PUS7: variants seen among roughly 807,000 people sequenced by gnomAD.
PUS7 encodes pseudouridylate synthase 7 homolog.
In PUS7, 48 loss-of-function variants were observed where a neutral mutation model predicts 79.8. The ratio of observed to expected loss-of-function variants is 0.60; its 90% CI spans 0.48 to 0.76. PUS7 has a LOEUF of 0.76. Ranked by LOEUF, PUS7 falls within the 30% of genes least tolerant of loss-of-function variation. The pLI, the probability that PUS7 is intolerant of heterozygous loss-of-function variation, is 0.00. For synonymous variants in PUS7, 286 were observed against 272.2 expected, an observed-to-expected ratio of 1.05 and a Z score of -0.50; for missense variants, 729 against 797.6, an observed-to-expected ratio of 0.91 and a Z score of 1.04.
At chr7:105,467,540 T>C (rs1201449683) in intron 12 of PUS7, among the ~76,000 whole-genome samples, 11 of 151,676 alleles carry the variant, frequency 7.3e-5, no homozygotes, top group Non-Finnish European at 1.2e-4. Context: ...CTGCCCGCCT[T>C]GGCTCCCAAA....
At chr7:105,491,800 G>A (rs993338487) in intron 6 of PUS7, among the ~76,000 whole-genome samples, 183 bp from the exon 7 acceptor site, 14 of 152,186 alleles carry the variant, frequency 9.2e-5, no homozygotes, top group African/African-American at 4.8e-5. Context: ...CTCATGGTCT[G>A]TAATCCCAGC....
rs1159966126 is a variant in PUS7 at position 105,457,306 on chromosome 7, T to C, written c.*484A>G. 6.6e-6 allele frequency: 1 copy of C among 152,266 alleles called. No homozygotes were observed. Among genetic ancestry groups the C allele is most frequent in the Non-Finnish European group, 1.5e-5 (1 of 68,092 alleles). 9.4% of individuals were successfully genotyped at this position (152,266 alleles called of 1,614,324 possible). On this transcript the variant is annotated 3_prime_UTR_variant, in exon 16 of 16. Transcript: ENST00000469408. ...CACTTTTTGTTTATAAATTTGTAGA[T>C]GTCTTATTATTTCAGTCAGCATGAG...
intron 1 of PUS7, among the ~76,000 whole-genome samples, 176 bp from the exon 2 acceptor site, chr7:105,508,720 A>G (rs1192772644): frequency 1.3e-5 from 2 of 151,304 alleles, no homozygotes; most frequent in African/African-American, 4.9e-5. Flanking sequence ...TCTCTACTAA[A>G]TATTAGTTAG....
intron 1 of PUS7, among the ~76,000 whole-genome samples, chr7:105,511,645 C>G (rs186108568): frequency 6.6e-6 from 1 of 151,764 alleles, no homozygotes; most frequent in Non-Finnish European, 1.5e-5. Context: ...CCTGTAATCT[C>G]AGCTGCTTGA....
Position 105,462,895 on chromosome 7 carries a change from C to G in PUS7, c.1628-145G>C, listed in dbSNP as rs777122640. 2.2e-4 allele frequency: 178 copies of G among 801,132 alleles called. 1 individual carries two copies. The highest frequency in any genetic ancestry group is 3.2e-4 in the Non-Finnish European group (165 of 522,026). The allele number at this position is 801,132 out of a possible 1,614,324, so 49.6% of individuals were successfully genotyped here. On this transcript the variant is annotated intron_variant, in intron 13 of 15. Coordinates refer to ENST00000469408, the MANE Select transcript of PUS7 (RefSeq NM_019042.5). ...CTTAATTTATAATCCAAAATCTGTT[C>G]CCTGGAATCAAAATTTAGTGACTTA...
chr7:105,457,948 A>C, intron 15 of PUS7, 22 bp from the exon 16 acceptor site: 2 of 1,610,450 alleles, frequency 1.2e-6, no homozygotes, highest in East Asian at 2.2e-5. Flanking sequence ...GAAAGAAAAC[A>C]GTCAGAAAAT....
intron 7 of PUS7, among the ~76,000 whole-genome samples, chr7:105,490,909 G>A (rs1824754557): frequency 6.6e-6 from 1 of 152,172 alleles, no homozygotes; most frequent in Admixed American, 6.5e-5. Context: ...TACATAGTGG[G>A]TAGAGACTAG....
chr7:105,489,385 G>A (rs1824694172), intron 7 of PUS7, among the ~76,000 whole-genome samples: 1 of 151,808 alleles, frequency 6.6e-6, no homozygotes, highest in Non-Finnish European at 1.5e-5. Context: ...CTGAGTTTCT[G>A]GGGAGTCCCT....
chr7:105,495,005 G>T, intron 6 of PUS7, 137 bp downstream of exon 6: 30 of 382,146 alleles, frequency 7.9e-5, no homozygotes, highest in Non-Finnish European at 1.0e-4. Flanking sequence ...AAGAAAGAAA[G>T]AAAGAAAACT....
chr7:105,488,628 G>T (rs1259607700), intron 7 of PUS7, among the ~76,000 whole-genome samples: 1 of 152,086 alleles, frequency 6.6e-6, no homozygotes, highest in East Asian at 1.9e-4. Context: ...CAAAAATAGA[G>T]TAATAGTTTA....
At chr7:105,508,573 C>T (rs1215724598) in intron 1 of PUS7, 29 bp from the exon 2 acceptor site, 7 of 1,560,364 alleles carry the variant, frequency 4.5e-6, no homozygotes, top group Middle Eastern at 1.7e-4. Flanking sequence ...AAGTAACAAT[C>T]ACCTATATAA....
At chr7:105,508,588 T>C in intron 1 of PUS7, 44 bp from the exon 2 acceptor site, 2 of 1,540,472 alleles carry the variant, frequency 1.3e-6, no homozygotes, top group Non-Finnish European at 1.7e-6. Flanking sequence ...ATATAAAAGC[T>C]GGTTTCAGGC....
intron 1 of PUS7, among the ~76,000 whole-genome samples, chr7:105,510,235 G>C (rs1160773266): frequency 1.3e-5 from 2 of 152,152 alleles, no homozygotes; most frequent in Non-Finnish European, 2.9e-5. Flanking sequence ...AGGAGGTGGA[G>C]GTTGTGGTGA....
intron 2 of PUS7, among the ~76,000 whole-genome samples, chr7:105,506,525 T>C (rs1825468998): frequency 6.6e-6 from 1 of 151,620 alleles, no homozygotes; most frequent in Non-Finnish European, 1.5e-5. Context: ...TGGGTCCAAG[T>C]GATTCTCCCG....
intron 5 of PUS7, chr7:105,496,989 A>G (rs1244273934): frequency 5.9e-5 from 71 of 1,206,146 alleles, no homozygotes; most frequent in Non-Finnish European, 7.4e-5. Context: ...AATGCACAGC[A>G]TAAAGAGCAC....
intron 1 of PUS7, among the ~76,000 whole-genome samples, chr7:105,511,575 A>T (rs925906509): frequency 2.6e-5 from 4 of 151,368 alleles, no homozygotes; most frequent in Non-Finnish European, 5.9e-5. Flanking sequence ...CAGCCTGGCC[A>T]ACATGGTGAA....
intron 6 of PUS7, among the ~76,000 whole-genome samples, 187 bp downstream of exon 6, chr7:105,494,955 T>C (rs953299162): frequency 2.2e-5 from 3 of 138,190 alleles, no homozygotes; most frequent in Non-Finnish European, 3.0e-5. Context: ...CCAGCCTGAG[T>C]GACAGAGTGA....
intron 1 of PUS7, among the ~76,000 whole-genome samples, chr7:105,519,790 G>C (rs895244441): frequency 4.6e-5 from 7 of 152,164 alleles, no homozygotes; most frequent in Admixed American, 4.6e-4. Flanking sequence ...AGTAAGAGGG[G>C]TGTTCTTCAG....
intron 13 of PUS7, among the ~76,000 whole-genome samples, chr7:105,464,359 TAG>T (rs1472988643): frequency 9.9e-5 from 15 of 152,094 alleles, no homozygotes; most frequent in African/African-American, 3.6e-4. Flanking sequence ...GGCATTTGAT[TAG>T]AGTGACCGGA....
Sources: gnomAD v4.1 joint callset for allele counts (sites outside exome capture counted in the v4.1 genomes callset) on GRCh38, gnomAD v4.1.1 for gene constraint, MANE v1.5 for transcripts, NCBI Gene and HGNC (gene_info 2026-07-23, HGNC 2026-07-21) for gene names.